The following FAAH2 variants were observed in gnomAD, a reference collection of about 807,000 sequenced individuals.
FAAH2 encodes fatty acid amide hydrolase 2, also known as fatty-acid amide hydrolase 2.
A neutral mutation model predicts 36.9 loss-of-function variants in FAAH2; 60 were observed. The ratio of observed to expected loss-of-function variants is 1.63; its 90% CI spans 1.32 to 2.02. The LOEUF is 2.02. FAAH2 is among the 30% of genes most tolerant of loss of function. FAAH2 has a pLI of 0.00. For missense variants in FAAH2, 689 were observed against 397.5 expected, an observed-to-expected ratio of 1.73 and a Z score of -6.23; for synonymous variants, 214 against 143.8, an observed-to-expected ratio of 1.49 and a Z score of -3.49.
chrX:57,245,188 TA>T, the FAAH2 span, among the ~76,000 whole-genome samples: 1 of 112,056 alleles, frequency 8.9e-6, no homozygotes, highest in South Asian at 3.7e-4. Flanking sequence ...CTAACTATCC[TA>T]AGTATACATG....
intron 5 of FAAH2, among the ~76,000 whole-genome samples, chrX:57,349,426 TATATATAC>T (rs1187947545): frequency 4.1e-5 from 4 of 98,635 alleles, no homozygotes; most frequent in East Asian, 6.1e-4. Flanking sequence ...CATATATACA[TATATATAC>T]ATATATACAC....
At chrX:57,381,442 T>G (rs1280444804) in intron 7 of FAAH2, 1 of 371,673 alleles carries the variant, frequency 2.7e-6, no homozygotes, top group African/African-American at 2.7e-5. Flanking sequence ...CAAATTTGTC[T>G]TTTTAAAAGC....
At chrX:57,257,579 A>G in the FAAH2 span, among the ~76,000 whole-genome samples, 1 of 110,739 alleles carries the variant, frequency 9.0e-6, no homozygotes, top group Admixed American at 9.6e-5. Context: ...ACATTAGGAG[A>G]AATACCTAAT....
chrX:57,133,024 G>A, the FAAH2 span, among the ~76,000 whole-genome samples: 1 of 111,065 alleles, frequency 9.0e-6, no homozygotes, highest in East Asian at 2.8e-4. Flanking sequence ...ACAGCTACAG[G>A]GTCAGTTCTC....
chrX:57,293,544 G>T (rs1471133709), intron 2 of FAAH2, among the ~76,000 whole-genome samples: 1 of 111,771 alleles, frequency 8.9e-6, no homozygotes, highest in Non-Finnish European at 1.9e-5. Context: ...CTATGGGGTG[G>T]TTCTATGTTT....
At chrX:57,422,719 C>A (rs192886915) in intron 7 of FAAH2, among the ~76,000 whole-genome samples, 2 of 111,295 alleles carry the variant, frequency 1.8e-5, no homozygotes, top group African/African-American at 6.5e-5. Flanking sequence ...CTGTGGCCTA[C>A]AGGTGATAAA....
At chrX:57,231,274 A>G in the FAAH2 span, among the ~76,000 whole-genome samples, 5 of 110,866 alleles carry the variant, frequency 4.5e-5, no homozygotes, top group African/African-American at 1.6e-4. Context: ...CTCTTGGTAG[A>G]CTGAGGACTA....
chrX:57,458,053 A>G (rs1258467450), intron 10 of FAAH2, among the ~76,000 whole-genome samples: 2 of 112,050 alleles, frequency 1.8e-5, no homozygotes, highest in African/African-American at 6.5e-5. Flanking sequence ...AATGTACTAT[A>G]AGGCTACAAT....
intron 3 of FAAH2, among the ~76,000 whole-genome samples, chrX:57,329,498 G>A (rs2053333840): frequency 9.1e-6 from 1 of 110,030 alleles, no homozygotes; most frequent in African/African-American, 3.3e-5. Flanking sequence ...TGTGCTTTCT[G>A]CTTGCCAATG....
intron 9 of FAAH2, among the ~76,000 whole-genome samples, chrX:57,447,608 A>G (rs183954813): frequency 1.2e-3 from 133 of 112,414 alleles, no homozygotes; most frequent in Non-Finnish European, 2.0e-3. Context: ...CACAGGCCCA[A>G]CACCACATGG....
Position 57,321,139 on chromosome X carries a change from C to CAA in FAAH2, c.412+10420_412+10421dup, listed in dbSNP as rs35603687. Reference sequence around the variant, plus strand: ...TGGGTGACAGAGCGAGACTCCATCTCAAAAAAAAAAAGAAAACCGGATGAA... The same window carrying CAA: ...TGGGTGACAGAGCGAGACTCCATCTCAAAAAAAAAAAAAGAAAACCGGATGAA... On this transcript the variant is annotated intron_variant, in intron 3 of 10. Coordinates refer to ENST00000374900, the MANE Select transcript of FAAH2 (RefSeq NM_174912.4). Among the ~76,000 whole-genome samples the CAA allele has an allele frequency of 6.9e-3, 673 of 98,068 alleles. 6 individuals are homozygous for CAA. The highest frequency in any genetic ancestry group is 9.1e-3 in the Non-Finnish European group (440 of 48,471). The allele number at this position is 98,068 out of a possible 115,157, so 85.2% of individuals were successfully genotyped here.
intron 5 of FAAH2, among the ~76,000 whole-genome samples, chrX:57,369,746 A>T (rs2054506453): frequency 8.9e-6 from 1 of 112,129 alleles, no homozygotes; most frequent in Non-Finnish European, 1.9e-5. Flanking sequence ...ATAGTTACTA[A>T]GAGGAAATCA....
rs917585999 is a variant in FAAH2, at chrX:57,441,819, C to T, written c.1117-5109C>T. The stretch of plus-strand genomic sequence containing the variant: ...TTCTGGTGTGTTGTGTCTTTGTTCT[C>T]ATTGGTTTTGAAGAACATCTTTATT... On this transcript the variant is annotated intron_variant, in intron 8 of 10. Transcript: ENST00000374900. 3.6e-5 allele frequency among the ~76,000 whole-genome samples: 4 copies of T among 111,405 alleles called. No individual in the cohort carries two copies. In the Admixed American group the frequency reaches 3.8e-4, roughly 11 times the overall value.
chrX:57,198,187 C>G, the FAAH2 span, among the ~76,000 whole-genome samples: 1 of 111,531 alleles, frequency 9.0e-6, no homozygotes, highest in Non-Finnish European at 1.9e-5. Context: ...AAAAGATCAT[C>G]ATCATGTGGG....
intron 3 of FAAH2, among the ~76,000 whole-genome samples, chrX:57,312,415 G>A (rs2052720222): frequency 8.9e-6 from 1 of 111,862 alleles, no homozygotes; most frequent in African/African-American, 3.3e-5. Context: ...GCTTATGCCT[G>A]TAATCCCAGC....
chrX:57,409,897 T>A (rs983516284), intron 7 of FAAH2, among the ~76,000 whole-genome samples: 3 of 111,106 alleles, frequency 2.7e-5, no homozygotes, highest in Middle Eastern at 4.6e-3. Context: ...TGATATTTAT[T>A]ATTTTCTTCC....
At chrX:57,311,641 A>G (rs932082012) in intron 3 of FAAH2, among the ~76,000 whole-genome samples, 4 of 112,058 alleles carry the variant, frequency 3.6e-5, no homozygotes, top group African/African-American at 1.3e-4. Context: ...GAGAGAGCAG[A>G]GCCAGCTTCT....
the FAAH2 span, among the ~76,000 whole-genome samples, chrX:57,252,629 T>A: frequency 2.7e-5 from 3 of 111,772 alleles, no homozygotes; most frequent in African/African-American, 9.8e-5. Flanking sequence ...GCAAACAGGG[T>A]CTGGAGTGGA....
intron 10 of FAAH2, among the ~76,000 whole-genome samples, chrX:57,453,150 A>C (rs776216065): frequency 8.9e-6 from 1 of 112,298 alleles, no homozygotes; most frequent in Non-Finnish European, 1.9e-5. Context: ...ATTTTACATG[A>C]AGCAGAATAT....
Sources: allele counts gnomAD v4.1 joint callset (sites outside exome capture counted in the v4.1 genomes callset), GRCh38; gene constraint gnomAD v4.1.1; transcripts MANE v1.5; gene names NCBI Gene and HGNC (gene_info 2026-07-23, HGNC 2026-07-21).